Variants in TMEM132D observed in about 807,000 individuals in gnomAD.
The protein encoded by TMEM132D is transmembrane protein 132D.
In TMEM132D, 21 loss-of-function variants were observed where a neutral mutation model predicts 62.3. That is an observed-to-expected ratio of 0.34 (90% confidence interval 0.24 to 0.49). The LOEUF (loss-of-function observed/expected upper bound fraction) is 0.49. Among genes scored for constraint, TMEM132D ranks in the 20% least tolerant of loss-of-function variants. The pLI is 0.99. For synonymous variants in TMEM132D, 621 were observed against 575.6 expected (o/e 1.08, Z -1.13); for missense variants, 1,346 against 1,402.8 (o/e 0.96, Z 0.65).
intron 3 of TMEM132D, among the ~76,000 whole-genome samples, chr12:129,403,972 G>A (rs961925213): frequency 2.0e-5 from 3 of 152,074 alleles, no homozygotes; most frequent in East Asian, 1.9e-4. Context: ...AAGGATGCCC[G>A]TGTGCATGGA....
chr12:129,412,515 CCT>C (rs1555254239), intron 3 of TMEM132D, among the ~76,000 whole-genome samples: 1 of 149,764 alleles, frequency 6.7e-6, no homozygotes, highest in East Asian at 2.0e-4. Flanking sequence ...AAGTGCCACC[CCT>C]CCTCCTCATT....
intron 5 of TMEM132D, among the ~76,000 whole-genome samples, chr12:129,130,093 G>T (rs1368281692): frequency 6.7e-6 from 1 of 149,982 alleles, no homozygotes; most frequent in African/African-American, 2.5e-5. Flanking sequence ...ATTTGCTGAG[G>T]TATTTATTGA....
intron 3 of TMEM132D, among the ~76,000 whole-genome samples, chr12:129,437,730 CTT>C (rs111440235): frequency 1.1e-4 from 16 of 147,614 alleles, no homozygotes; most frequent in South Asian, 4.3e-4. Context: ...ATGCTCATTT[CTT>C]TTTTTTTTTT....
chr12:129,692,000 T>C (rs1316401448), intron 2 of TMEM132D, among the ~76,000 whole-genome samples: 1 of 151,990 alleles, frequency 6.6e-6, no homozygotes, highest in Non-Finnish European at 1.5e-5. Flanking sequence ...CTCGGATGGA[T>C]TCACCAGTGA....
intron 4 of TMEM132D, among the ~76,000 whole-genome samples, chr12:129,293,636 G>A (rs1338617294): frequency 6.6e-6 from 1 of 152,148 alleles, no homozygotes; most frequent in Admixed American, 6.5e-5. Flanking sequence ...TGGGGGTGAT[G>A]GAGACAGTAA....
intron 4 of TMEM132D, among the ~76,000 whole-genome samples, chr12:129,327,745 G>A (rs1384940553): frequency 6.6e-6 from 1 of 152,142 alleles, no homozygotes; most frequent in Non-Finnish European, 1.5e-5. Context: ...CACCAAAGGA[G>A]CCCCCAAATG....
chr12:129,268,016 C>T (rs1391279012), intron 4 of TMEM132D, among the ~76,000 whole-genome samples: 5 of 152,144 alleles, frequency 3.3e-5, no homozygotes, highest in African/African-American at 1.2e-4. Flanking sequence ...TTCCTTACAC[C>T]TTATACAAAA....
At chr12:129,406,669 T>C (rs948753064) in intron 3 of TMEM132D, among the ~76,000 whole-genome samples, 1 of 151,392 alleles carries the variant, frequency 6.6e-6, no homozygotes, top group Admixed American at 6.6e-5. Context: ...ATACACACCA[T>C]GTACTGGGCA....
intron 2 of TMEM132D, among the ~76,000 whole-genome samples, chr12:129,632,488 TC>T (rs1879374505): frequency 6.6e-6 from 1 of 152,202 alleles, no homozygotes; most frequent in South Asian, 2.1e-4. Context: ...CGGAGTTCTG[TC>T]TTCAAGACCC....
intron 4 of TMEM132D, among the ~76,000 whole-genome samples, chr12:129,251,644 C>T (rs758480313): frequency 6.6e-6 from 1 of 152,158 alleles, no homozygotes; most frequent in Admixed American, 6.5e-5. Context: ...TTTTTGACAA[C>T]GTATGGCTCT....
intron 5 of TMEM132D, among the ~76,000 whole-genome samples, chr12:129,098,701 G>T (rs1308796509): frequency 6.6e-6 from 1 of 152,114 alleles, no homozygotes; most frequent in African/African-American, 2.4e-5. Flanking sequence ...TCACGTCCTC[G>T]CCAAAGTGAC....
At position 129,074,330 on chromosome 12, in the gene TMEM132D, G is replaced by C; in HGVS notation, c.2845C>G (p.Gln949Glu). 1 of 1,614,068 alleles carries C rather than the reference G, an allele frequency of 6.2e-7. No individual in the cohort carries two copies. Among genetic ancestry groups the C allele is most frequent in the East Asian group, 2.2e-5 (1 of 44,872 alleles). The change falls in exon 9 of 9, where the codon CAG (glutamine) becomes GAG (glutamate). Residue 949 changes from glutamine (Q) to glutamate (E), a missense_variant. Gln to Glu is a conservative substitution (Grantham distance 29). Transcript: ENST00000422113. ...CCTTCCTGCTCCTCGAAGGGAACCT[G>C]TTTGTGTCTGTATTTTAATGCAAAG... ...VTFALKYRHKQVPFEEQEGMS... is the reference protein window; with the variant it reads ...VTFALKYRHKEVPFEEQEGMS...
chr12:129,571,467 G>A (rs945898373), intron 2 of TMEM132D, among the ~76,000 whole-genome samples: 3 of 152,122 alleles, frequency 2.0e-5, no homozygotes, highest in Admixed American at 1.3e-4. Context: ...AGCTACTCCG[G>A]AGGCTGAGGT....
chr12:129,652,801 G>A (rs916708973), intron 2 of TMEM132D, among the ~76,000 whole-genome samples: 4 of 152,156 alleles, frequency 2.6e-5, no homozygotes, highest in African/African-American at 4.8e-5. Flanking sequence ...GTGGTAGTTT[G>A]TTACAACAGC....
intron 1 of TMEM132D, among the ~76,000 whole-genome samples, chr12:129,862,397 C>T (rs962004301): frequency 3.3e-4 from 50 of 152,326 alleles, no homozygotes; most frequent in Admixed American, 4.6e-4. Flanking sequence ...AGAGCGAAGG[C>T]GTTTTCCAGG....
At chr12:129,636,574 T>C (rs1478859990) in intron 2 of TMEM132D, among the ~76,000 whole-genome samples, 4 of 152,094 alleles carry the variant, frequency 2.6e-5, no homozygotes, top group Non-Finnish European at 4.4e-5. Context: ...ATTCAGTCAG[T>C]TGGGGGGCTT....
chr12:129,208,715 C>T (rs7968304), intron 5 of TMEM132D: 16,118 of 150,730 alleles, frequency 0.11, 933 homozygotes, highest in African/African-American at 0.14. Context: ...TTGGCAGCCT[C>T]CTCCTTTGAG....
At chr12:129,502,622 G>C (rs1436015160) in intron 3 of TMEM132D, among the ~76,000 whole-genome samples, 1 of 151,900 alleles carries the variant, frequency 6.6e-6, no homozygotes, top group Non-Finnish European at 1.5e-5. Context: ...TTCAGGCAGA[G>C]AGCAATGCTA....
At chr12:129,195,078 C>T (rs1176872913) in intron 5 of TMEM132D, among the ~76,000 whole-genome samples, 1 of 152,140 alleles carries the variant, frequency 6.6e-6, no homozygotes, top group African/African-American at 2.4e-5. Context: ...TATAGGAAGG[C>T]TTTGGTGATA....
Sources: allele counts gnomAD v4.1 joint callset (sites outside exome capture counted in the v4.1 genomes callset), GRCh38; gene constraint gnomAD v4.1.1; transcripts MANE v1.5; gene names NCBI Gene and HGNC (gene_info 2026-07-23, HGNC 2026-07-21).